Variants in SH3PXD2B observed in about 807,000 individuals in gnomAD.
The protein encoded by SH3PXD2B is SH3 and PX domain-containing protein 2B.
Under a neutral mutation model 73.1 loss-of-function variants are expected in SH3PXD2B, and 37 were observed. The observed-to-expected ratio is 0.51, with a 90% CI of 0.39 to 0.67. The LOEUF is 0.67. Ranked by LOEUF, SH3PXD2B falls within the 30% of genes least tolerant of loss-of-function variation. The pLI is 0.00. For missense variants in SH3PXD2B, 1,053 were observed against 1,197.8 expected (o/e 0.88, Z 1.78); for synonymous variants, 457 against 480.5 (o/e 0.95, Z 0.64).
rs201371525 is a variant in SH3PXD2B, at chr5:172,353,867, G to A, written c.785+21C>T. 13 of 1,603,420 alleles carry A rather than the reference G, an allele frequency of 8.1e-6. No individual in the cohort carries two copies. The highest frequency in any genetic ancestry group is 5.3e-5 in the African/African-American group (4 of 74,798). The stretch of plus-strand genomic sequence containing the variant: ...GTGACCCCAAACCCACCCAGCAACC[G>A]TGGGGGGCAGCGGCTGGTACCTGAT... On this transcript the variant is annotated intron_variant, in intron 9 of 12. Transcript: ENST00000311601. The surrounding 1 kb of genome is among the most constrained non-coding windows in gnomAD (Gnocchi z 4.3).
downstream of SH3PXD2B, among the ~76,000 whole-genome samples, chr5:172,329,540 C>CTTTTTTTTGTTTTTTTTTTT (rs1756514678): frequency 1.9e-5 from 2 of 106,460 alleles, no homozygotes; most frequent in Non-Finnish European, 3.7e-5. Context: ...CTTTGTTATT[C>CTTTTTTTTGTTTTTTTTTTT]TTTTTTTTTT....
Position 172,390,592 on chromosome 5 carries a change from T to A in SH3PXD2B, c.309+3971A>T, listed in dbSNP as rs1185250191. The stretch of plus-strand genomic sequence containing the variant: ...CAAATAAAAAGATATGTCTATTGTA[T>A]GGATATTACACATTTTGTGTATCCA... On this transcript the variant is annotated intron_variant, in intron 4 of 12. Coordinates refer to ENST00000311601, the MANE Select transcript of SH3PXD2B (RefSeq NM_001017995.3). Among the ~76,000 whole-genome samples, 5 of 152,218 alleles carry A rather than the reference T, an allele frequency of 3.3e-5. No individual in the cohort carries two copies. The East Asian group carries it at 9.6e-4, about 29-fold the overall frequency.
intron 1 of SH3PXD2B, among the ~76,000 whole-genome samples, chr5:172,446,170 CT>C (rs1759655049): frequency 6.6e-6 from 1 of 152,226 alleles, no homozygotes; most frequent in Non-Finnish European, 1.5e-5. Context: ...AGCAGCACCC[CT>C]CCTCAGGCAT....
intron 2 of SH3PXD2B, among the ~76,000 whole-genome samples, chr5:172,408,815 C>G (rs922412451): frequency 6.6e-6 from 1 of 151,390 alleles, no homozygotes; most frequent in East Asian, 1.9e-4. Flanking sequence ...TGAGCCACCA[C>G]GCCTGGCCTG....
intron 10 of SH3PXD2B, among the ~76,000 whole-genome samples, chr5:172,348,675 C>CTTATCT (rs1185400755): frequency 3.0e-4 from 17 of 56,696 alleles, no homozygotes; most frequent in African/African-American, 4.1e-4. Context: ...ATCTATCTAT[C>CTTATCT]TATCTATCTA....
chr5:172,423,472 A>G (rs1446253253), intron 1 of SH3PXD2B, among the ~76,000 whole-genome samples: 1 of 150,294 alleles, frequency 6.7e-6, no homozygotes, highest in East Asian at 1.9e-4. Flanking sequence ...GAGACAATGC[A>G]TACATAAGTG....
At chr5:172,439,681 C>CGCGT (rs1554087669) in intron 1 of SH3PXD2B, among the ~76,000 whole-genome samples, 13 of 92,136 alleles carry the variant, frequency 1.4e-4, no homozygotes, top group Non-Finnish European at 2.2e-4. Context: ...CGTGCGTGCG[C>CGCGT]GCACGCGCGC....
At chr5:172,361,612 C>A (rs1012427842) in intron 7 of SH3PXD2B, among the ~76,000 whole-genome samples, 1 of 152,200 alleles carries the variant, frequency 6.6e-6, no homozygotes, top group African/African-American at 2.4e-5. Context: ...ACAATCTGCA[C>A]ACACTCATTC....
chr5:172,447,091 T>C (rs1191230743), intron 1 of SH3PXD2B, among the ~76,000 whole-genome samples: 1 of 152,194 alleles, frequency 6.6e-6, no homozygotes, highest in African/African-American at 2.4e-5. Context: ...TGACGCAGCT[T>C]CTTTTTAAAA....
intron 1 of SH3PXD2B, among the ~76,000 whole-genome samples, chr5:172,446,722 C>T (rs938365186): frequency 1.3e-5 from 2 of 152,182 alleles, no homozygotes; most frequent in African/African-American, 2.4e-5. Flanking sequence ...ACCTGGATGA[C>T]GTTTCTGGTG....
chr5:172,345,523 C>T (rs1486077144), intron 12 of SH3PXD2B, among the ~76,000 whole-genome samples: 1 of 152,324 alleles, frequency 6.6e-6, no homozygotes, highest in African/African-American at 2.4e-5. Flanking sequence ...GTCTCAAGAA[C>T]CATCTTTGCC....
Position 172,395,302 on chromosome 5 carries a change from T to A in SH3PXD2B, c.233-663A>T, listed in dbSNP as rs1482513174. ...GTCTCAGTCCATTTTGTGACAATAA[T>A]GTTTGATAAATGTATGAATGTGGCT... On this transcript the variant is annotated intron_variant, in intron 3 of 12. Coordinates refer to ENST00000311601, the MANE Select transcript of SH3PXD2B (RefSeq NM_001017995.3). Among the ~76,000 whole-genome samples, 3 of 152,250 alleles carry A rather than the reference T, an allele frequency of 2.0e-5. No individual in the cohort carries two copies. The East Asian group carries it at 5.8e-4, about 29-fold the overall frequency.
At position 172,350,469 on chromosome 5, in the gene SH3PXD2B, A is replaced by T; in HGVS notation, c.906T>A (p.Gly302=). ...PSHPGALDLD[G]VSRQQNAVGR... Reference sequence around the variant, plus strand: ...CCACCGCGTTCTGCTGCCGGGAAACACCATCCAAGTCAAGGGCACCCGGGT... The same window carrying T: ...CCACCGCGTTCTGCTGCCGGGAAACTCCATCCAAGTCAAGGGCACCCGGGT... Residue 302 remains glycine, a synonymous_variant, in exon 10 of 13, where the codon GGT becomes GGA. Coordinates refer to ENST00000311601, the MANE Select transcript of SH3PXD2B (RefSeq NM_001017995.3). The T allele has an allele frequency of 2.5e-6, 4 of 1,614,010 alleles. No individual in the cohort carries two copies. The highest frequency in any genetic ancestry group is 3.4e-6 in the Non-Finnish European group (4 of 1,179,996).
In SH3PXD2B at chr5:172,396,223, A is replaced by G. The variant is rs943928405; in HGVS notation, c.233-1584T>C. On this transcript the variant is annotated intron_variant, in intron 3 of 12. Coordinates refer to ENST00000311601, the MANE Select transcript of SH3PXD2B (RefSeq NM_001017995.3). ...CAAAAAAAAAAAAAAAAAAAAAAAA[A>G]ATCAGCCTGGTGTGGTAGCATGTGC... 3.4e-5 allele frequency among the ~76,000 whole-genome samples: 4 copies of G among 118,344 alleles called. No homozygotes were observed. In the Admixed American group the frequency reaches 3.6e-4, roughly 11 times the overall value. 77.6% of individuals were successfully genotyped at this position (118,344 alleles called of 152,430 possible).
At chr5:172,380,938 A>T (rs1242260416) in intron 5 of SH3PXD2B, among the ~76,000 whole-genome samples, 1 of 152,248 alleles carries the variant, frequency 6.6e-6, no homozygotes, top group Non-Finnish European at 1.5e-5. Context: ...TGTACTCGGA[A>T]GTCTGTGAAC....
chr5:172,378,146 T>C (rs1186956793), intron 5 of SH3PXD2B, among the ~76,000 whole-genome samples: 5 of 152,196 alleles, frequency 3.3e-5, no homozygotes, highest in African/African-American at 1.2e-4. Flanking sequence ...TCCCCGAGTG[T>C]CCTTCCTTCT....
chr5:172,368,473 TATATATATAAAATATATATATATTA>T lies in SH3PXD2B; in HGVS notation c.427+5292_427+5316del, dbSNP rs1227534497. Among the ~76,000 whole-genome samples the T allele has an allele frequency of 5.9e-3, 149 of 25,182 alleles. 6 individuals are homozygous for T. The highest frequency in any genetic ancestry group is 0.014 in the African/African-American group (67 of 4,844). 16.5% of individuals were successfully genotyped at this position (25,182 alleles called of 152,430 possible). On this transcript the variant is annotated intron_variant, in intron 6 of 12. Coordinates refer to ENST00000311601, the MANE Select transcript of SH3PXD2B (RefSeq NM_001017995.3). Reference sequence around the variant, plus strand: ...AATGCTTATATATATATATATTATATATATATATAAAATATATATATATTATATATATATATATAAAATATATATA... The same window carrying T: ...AATGCTTATATATATATATATTATATTATATATATATATAAAATATATATA...
intron 2 of SH3PXD2B, among the ~76,000 whole-genome samples, chr5:172,415,260 C>G (rs576736450): frequency 6.6e-6 from 1 of 152,172 alleles, no homozygotes; most frequent in Non-Finnish European, 1.5e-5. Flanking sequence ...AAAGGTTGCA[C>G]GGTACAGTGT....
chr5:172,374,939 C>A (rs1757790710), intron 5 of SH3PXD2B, among the ~76,000 whole-genome samples: 1 of 152,178 alleles, frequency 6.6e-6, no homozygotes, highest in South Asian at 2.1e-4. Flanking sequence ...TCCCATTTTA[C>A]AGACGAGGAA....
Sources: allele counts gnomAD v4.1 joint callset (sites outside exome capture counted in the v4.1 genomes callset), GRCh38; gene constraint gnomAD v4.1.1; non-coding constraint Gnocchi (gnomAD v3.1); transcripts MANE v1.5; gene names NCBI Gene and HGNC (gene_info 2026-07-23, HGNC 2026-07-21).